The following BCL9 variants were observed in gnomAD, a reference collection of about 807,000 sequenced individuals.
BCL9 encodes the protein B-cell CLL/lymphoma 9 protein.
In BCL9, 25 loss-of-function variants were observed where a neutral mutation model predicts 88.5. The observed-to-expected ratio is 0.28, with a 90% confidence interval of 0.21 to 0.39. The LOEUF (loss-of-function observed/expected upper bound fraction) is 0.39, where lower values mean the gene tolerates loss of function less well. Among genes scored for constraint, BCL9 ranks in the 10% least tolerant of loss-of-function variants. The pLI, the probability that BCL9 is intolerant of heterozygous loss-of-function variation, is 1.00. For missense variants in BCL9, 1,817 were observed against 1,877.8 expected, an observed-to-expected ratio of 0.97 and a Z score of 0.60; for synonymous variants, 711 against 673.3, an observed-to-expected ratio of 1.06 and a Z score of -0.87.
At chr1:147,599,865 T>C (rs1331555405) in intron 1 of BCL9, among the ~76,000 whole-genome samples, 1 of 142,536 alleles carries the variant, frequency 7.0e-6, no homozygotes, top group East Asian at 2.2e-4. Context: ...GTTGGTACCA[T>C]CGCGCGCGTC....
chr1:147,578,910 G>C (rs1656229047), intron 1 of BCL9, among the ~76,000 whole-genome samples: 1 of 151,570 alleles, frequency 6.6e-6, no homozygotes. Context: ...CTGTTGCCCA[G>C]GCTGGAGTGC....
intron 2 of BCL9, 64 bp downstream of exon 2, chr1:147,604,975 TTC>T (rs1431033561): frequency 1.3e-5 from 2 of 152,208 alleles, no homozygotes; most frequent in African/African-American, 2.4e-5. Flanking sequence ...GGATTTTTGT[TTC>T]TGTTTCTATA....
intron 3 of BCL9, among the ~76,000 whole-genome samples, 174 bp from the exon 4 acceptor site, chr1:147,611,404 G>GGGA (rs1657994272): frequency 6.6e-6 from 1 of 152,114 alleles, no homozygotes; most frequent in Admixed American, 6.5e-5. Flanking sequence ...CAGCTGGTGT[G>GGGA]GCCCCTGAGC....
rs1553204575 is a variant in BCL9 at position 147,619,440 on chromosome 1, C to T, written c.1285C>T (p.Pro429Ser). Residue 429 changes from proline to serine, a missense_variant, in exon 8 of 10, where the codon CCA becomes TCA. Transcript: ENST00000234739. The surrounding 1 kb of genome is among the most constrained non-coding windows in gnomAD (Gnocchi z 4.1). Reference protein sequence around the residue: ...GPGPRTDVGAPFGPQGHRDVP... With the variant: ...GPGPRTDVGASFGPQGHRDVP... ...TGGGCCCCGGACAGACGTGGGAGCT[C>T]CATTTGGCCCTCAAGGACATAGAGA... 3 of 1,614,092 alleles carry T rather than the reference C, an allele frequency of 1.9e-6. No individual in the cohort carries two copies. The highest frequency in any genetic ancestry group is 2.5e-6 in the Non-Finnish European group (3 of 1,180,012).
chr1:147,623,728 C>A (rs1658773550), intron 9 of BCL9, 114 bp from the exon 10 acceptor site: 4 of 1,225,904 alleles, frequency 3.3e-6, no homozygotes, highest in South Asian at 1.5e-5. Context: ...TGTATGTTTT[C>A]CCAGCATTAT....
Position 147,619,039 on chromosome 1 carries a change from CCA to C in BCL9, c.886_887del (p.Thr296SerfsTer16), listed in dbSNP as rs1658450831. 1 of 1,610,454 alleles carries C rather than the reference CCA, an allele frequency of 6.2e-7. No individual in the cohort carries two copies. The highest frequency in any genetic ancestry group is 8.5e-7 in the Non-Finnish European group (1 of 1,178,028). Reference sequence around the variant, plus strand: ...CCTTCTGTAGGAAGTCCTGCCAGCTCCACTCCACTGCCCCCAGATGGTACTGG... The same window carrying C: ...CCTTCTGTAGGAAGTCCTGCCAGCTCCTCCACTGCCCCCAGATGGTACTGG... On this transcript the variant is annotated frameshift_variant, in exon 8 of 10. Transcript: ENST00000234739. LOFTEE classifies it high-confidence loss of function. The surrounding 1 kb of genome is among the most constrained non-coding windows in gnomAD (Gnocchi z 4.1).
intron 1 of BCL9, among the ~76,000 whole-genome samples, chr1:147,568,431 A>G (rs1392868504): frequency 1.3e-5 from 2 of 151,906 alleles, no homozygotes; most frequent in African/African-American, 4.8e-5. Flanking sequence ...ATTAAATTTC[A>G]TAGTTGGGCA....
intron 1 of BCL9, among the ~76,000 whole-genome samples, chr1:147,594,142 G>A (rs1557842195): frequency 6.6e-6 from 1 of 152,112 alleles, no homozygotes; most frequent in Non-Finnish European, 1.5e-5. Flanking sequence ...GACAATTCAC[G>A]AATTATGTAA....
intron 1 of BCL9, among the ~76,000 whole-genome samples, chr1:147,544,064 G>A (rs1327859406): frequency 6.6e-6 from 1 of 152,154 alleles, no homozygotes; most frequent in Non-Finnish European, 1.5e-5. Flanking sequence ...TTACTCTGCA[G>A]CAGGCAAATA....
chr1:147,559,689 A>C (rs1655283953), intron 1 of BCL9, among the ~76,000 whole-genome samples: 1 of 152,174 alleles, frequency 6.6e-6, no homozygotes, highest in African/African-American at 2.4e-5. Flanking sequence ...CAAGGAGCCA[A>C]ATGTTATAAT....
chr1:147,568,501 T>G (rs1382315376), intron 1 of BCL9, among the ~76,000 whole-genome samples: 1 of 151,908 alleles, frequency 6.6e-6, no homozygotes, highest in Non-Finnish European at 1.5e-5. Flanking sequence ...AACAAGTTTC[T>G]TAGTCATTTC....
chr1:147,624,993 G>C lies in BCL9; in HGVS notation c.*34G>C, dbSNP rs867270. On this transcript the variant is annotated 3_prime_UTR_variant, in exon 10 of 10. Transcript: ENST00000234739. This position sits in a 1 kb window ranked among gnomAD's most constrained non-coding sequence, Gnocchi z 4.4. ...GATGGGATGTGCCGATCCTTGTCAA[G>C]ATGAGATTCCAGGTCCTGAGAGCTG... The C allele has an allele frequency of 1.9e-6, 3 of 1,579,122 alleles. No homozygotes were observed. The South Asian group carries it at 3.4e-5, about 18-fold the overall frequency.
intron 1 of BCL9, among the ~76,000 whole-genome samples, chr1:147,560,113 G>A (rs942105615): frequency 3.9e-5 from 6 of 152,158 alleles, no homozygotes; most frequent in African/African-American, 1.4e-4. Context: ...AAACACTTGT[G>A]CTATTCAGAC....
chr1:147,611,708 G>A lies in BCL9; in HGVS notation c.-129G>A, dbSNP rs1006776737. ...AAGAGGAAAAAGGCATACAGGCAGC[G>A]AGCGCTAAGGGACGCACCCAGCAAG... On this transcript the variant is annotated 5_prime_UTR_variant, in exon 4 of 10. Transcript: ENST00000234739. 4.4e-5 allele frequency: 36 copies of A among 811,300 alleles called. No individual in the cohort carries two copies. The African/African-American group carries it at 5.8e-4, about 13-fold the overall frequency. The allele number at this position is 811,300 out of a possible 1,614,324, so 50.3% of individuals were successfully genotyped here. A position where few individuals can be genotyped will look rare whatever the true frequency, so the allele number is the denominator to read the frequency against.
intron 1 of BCL9, among the ~76,000 whole-genome samples, chr1:147,544,360 T>C (rs973690943): frequency 1.1e-4 from 17 of 152,156 alleles, no homozygotes; most frequent in African/African-American, 3.6e-4. Flanking sequence ...GCCATTCCTA[T>C]TCACAGGGAG....
rs1553206215 is a variant in BCL9, at chr1:147,624,725, C to T, written c.4047C>T (p.Ser1349=). The change falls in exon 10 of 10, where the codon AGC becomes AGT. Residue 1349 remains serine (S), a synonymous_variant. Transcript: ENST00000234739. The surrounding 1 kb of genome is among the most constrained non-coding windows in gnomAD (Gnocchi z 4.4). ...TGCCCGGCCAGCCCACCCTGATGAG[C>T]AATCCAGCTGCTGCCGTGGGCATGA... is the stretch of plus-strand genomic sequence containing the variant. ...STMPGQPTLM[S]NPAAAVGMIP... is the part of the protein sequence containing the mutation. 6.2e-7 allele frequency: 1 copy of T among 1,614,176 alleles called. No individual in the cohort carries two copies. Among genetic ancestry groups the T allele is most frequent in the East Asian group, 2.2e-5 (1 of 44,878 alleles).
At chr1:147,564,311 G>C (rs1418809966) in intron 1 of BCL9, among the ~76,000 whole-genome samples, 1 of 151,934 alleles carries the variant, frequency 6.6e-6, no homozygotes, top group African/African-American at 2.4e-5. Flanking sequence ...GTCAGGGTTT[G>C]ATTATCTAGT....
chr1:147,619,214 G>C lies in BCL9; in HGVS notation c.1059G>C (p.Gln353His), dbSNP rs370851625. Residue 353 changes from glutamine (Q) to histidine (H), a missense_variant, in exon 8 of 10, where the codon CAG (glutamine) becomes CAC (histidine). By Grantham distance (24) the Gln-to-His change is conservative. This residue lies in a region of BCL9 where 1,228 missense variants were observed against 1,191.6 expected (regional missense o/e 1.03). Coordinates refer to ENST00000234739, the MANE Select transcript of BCL9 (RefSeq NM_004326.4). The surrounding 1 kb of genome is among the most constrained non-coding windows in gnomAD (Gnocchi z 4.1). ...TLGENPDGLS[Q>H]EQLEHRERSL... ...GAGAGAATCCCGATGGCCTATCTCA[G>C]GAGCAGCTGGAGCACCGGGAGCGCT... 43 of 1,614,032 alleles carry C rather than the reference G, an allele frequency of 2.7e-5. No individual in the cohort carries two copies. Among genetic ancestry groups the C allele is most frequent in the African/African-American group, 4.0e-5 (3 of 74,918 alleles).
At chr1:147,573,078 G>T (rs187773704) in intron 1 of BCL9, among the ~76,000 whole-genome samples, 6 of 152,236 alleles carry the variant, frequency 3.9e-5, no homozygotes, top group Admixed American at 3.9e-4. Flanking sequence ...TTTGTATTGG[G>T]GTGAGCATCT....
Sources: gnomAD v4.1 joint callset for allele counts (sites outside exome capture counted in the v4.1 genomes callset) on GRCh38, gnomAD v4.1.1 for gene constraint, gnomAD v4.1.1 regional missense constraint, Gnocchi (gnomAD v3.1) non-coding constraint, MANE v1.5 for transcripts, NCBI Gene and HGNC (gene_info 2026-07-23, HGNC 2026-07-21) for gene names.